Variants in ATRNL1 observed in about 807,000 individuals in gnomAD.
ATRNL1 encodes the protein attractin-like protein 1.
ATRNL1 carries 95 observed loss-of-function variants against 182.7 expected under a neutral mutation model. The ratio of observed to expected loss-of-function variants is 0.52; its 90% confidence interval spans 0.44 to 0.62. ATRNL1 has a LOEUF of 0.62. Ranked by LOEUF, ATRNL1 falls within the 20% of genes least tolerant of loss-of-function variation. The pLI, the probability that ATRNL1 is intolerant of heterozygous loss-of-function variation, is 0.00. For missense variants in ATRNL1, 1,471 were observed against 1,679.5 expected, an observed-to-expected ratio of 0.88 and a Z score of 2.17; for synonymous variants, 576 against 568.3, an observed-to-expected ratio of 1.01 and a Z score of -0.19.
intron 26 of ATRNL1, among the ~76,000 whole-genome samples, chr10:115,614,705 CGT>C (rs138143625): frequency 3.3e-5 from 5 of 151,134 alleles, no homozygotes; most frequent in South Asian, 4.2e-4. Flanking sequence ...TGCTCCAGTG[CGT>C]GTGTGTGTGT....
intron 26 of ATRNL1, among the ~76,000 whole-genome samples, chr10:115,716,166 A>T (rs1011489385): frequency 1.2e-4 from 19 of 152,204 alleles, no homozygotes; most frequent in Admixed American, 3.9e-4. Flanking sequence ...CCAGTTAGTC[A>T]ATGATTATTA....
At chr10:115,669,155 G>T (rs1945612899) in intron 26 of ATRNL1, among the ~76,000 whole-genome samples, 1 of 151,916 alleles carries the variant, frequency 6.6e-6, no homozygotes, top group African/African-American at 2.4e-5. Flanking sequence ...ATTTAAAGTG[G>T]TCCACTACCC....
At position 115,494,799 on chromosome 10, in the gene ATRNL1, T is replaced by C. The variant is rs1447732541; in HGVS notation, c.3655-24464T>C. Among the ~76,000 whole-genome samples the C allele has an allele frequency of 2.0e-5, 3 of 152,306 alleles. No homozygotes were observed. The East Asian group carries it at 5.8e-4, about 29-fold the overall frequency. On this transcript the variant is annotated intron_variant, in intron 24 of 28. Coordinates refer to ENST00000355044, the MANE Select transcript of ATRNL1 (RefSeq NM_207303.4). ...TCATCAAGGATATTAGCCTGAAGTT[T>C]CCTTTTTTCATTGTGTCTTTGCCAG...
At chr10:115,815,532 G>A (rs577476805) in intron 27 of ATRNL1, among the ~76,000 whole-genome samples, 97 of 150,298 alleles carry the variant, frequency 6.5e-4, no homozygotes, top group Middle Eastern at 3.4e-3. Flanking sequence ...CAAATTACAC[G>A]AAGCTTAACA....
chr10:115,436,687 A>G (rs782052763), intron 21 of ATRNL1, among the ~76,000 whole-genome samples: 1 of 152,130 alleles, frequency 6.6e-6, no homozygotes, highest in Non-Finnish European at 1.5e-5. Flanking sequence ...CAAGGGTGAC[A>G]TATTTTTTCT....
intron 20 of ATRNL1, among the ~76,000 whole-genome samples, chr10:115,414,492 A>AT (rs141133302): frequency 0.1 from 15,147 of 151,620 alleles, 2,531 homozygotes; most frequent in African/African-American, 0.34. Flanking sequence ...AATTTTATGA[A>AT]TTTTTTCCTT....
chr10:115,751,698 A>G (rs1948453404), intron 27 of ATRNL1, among the ~76,000 whole-genome samples: 2 of 152,068 alleles, frequency 1.3e-5, no homozygotes, highest in South Asian at 4.1e-4. Flanking sequence ...ATGCAGTTGT[A>G]AAAAAATTAA....
chr10:115,170,609 C>T (rs1316143818), intron 7 of ATRNL1, among the ~76,000 whole-genome samples: 1 of 150,930 alleles, frequency 6.6e-6, no homozygotes, highest in Non-Finnish European at 1.5e-5. Context: ...TAATATTAAT[C>T]AGCAACTTAG....
intron 3 of ATRNL1, among the ~76,000 whole-genome samples, 180 bp downstream of exon 3, chr10:115,121,992 T>G (rs1285802939): frequency 6.6e-6 from 1 of 152,060 alleles, no homozygotes; most frequent in Non-Finnish European, 1.5e-5. Context: ...ATGTAAATAT[T>G]GATATAACAT....
intron 19 of ATRNL1, among the ~76,000 whole-genome samples, chr10:115,351,988 C>T (rs1856279918): frequency 6.6e-6 from 1 of 152,022 alleles, no homozygotes; most frequent in Non-Finnish European, 1.5e-5. Flanking sequence ...GTTTCTGTTT[C>T]ATAACTTGCT....
intron 19 of ATRNL1, among the ~76,000 whole-genome samples, chr10:115,352,907 A>T (rs1413275114): frequency 1.3e-5 from 2 of 152,200 alleles, no homozygotes; most frequent in Non-Finnish European, 2.9e-5. Flanking sequence ...CTGTCTTTAA[A>T]AAAACAACAA....
intron 6 of ATRNL1, among the ~76,000 whole-genome samples, chr10:115,160,659 T>C (rs1158964431): frequency 1.3e-5 from 2 of 151,940 alleles, no homozygotes; most frequent in Non-Finnish European, 2.9e-5. Context: ...TCTAGTATTA[T>C]GAGAGAGATG....
At chr10:115,942,109 T>A (rs1339038331) in intron 28 of ATRNL1, among the ~76,000 whole-genome samples, 1 of 152,194 alleles carries the variant, frequency 6.6e-6, no homozygotes, top group Non-Finnish European at 1.5e-5. Context: ...ACCATAAATT[T>A]CTCCTTCTCC....
chr10:115,459,334 A>G (rs1005377927), intron 21 of ATRNL1, among the ~76,000 whole-genome samples: 2 of 152,162 alleles, frequency 1.3e-5, no homozygotes, highest in South Asian at 2.1e-4. Flanking sequence ...GAACAGAGCC[A>G]TATTTCTCTT....
At chr10:115,460,254 C>G (rs1847728675) in intron 21 of ATRNL1, among the ~76,000 whole-genome samples, 1 of 152,098 alleles carries the variant, frequency 6.6e-6, no homozygotes, top group Non-Finnish European at 1.5e-5. Flanking sequence ...ATCTACTACG[C>G]ATGCTCCTGA....
intron 26 of ATRNL1, among the ~76,000 whole-genome samples, chr10:115,588,810 T>A (rs758650947): frequency 2.0e-5 from 3 of 152,216 alleles, no homozygotes; most frequent in Non-Finnish European, 4.4e-5. Flanking sequence ...ATTTAGTGCA[T>A]CTATGGAAGG....
intron 28 of ATRNL1, among the ~76,000 whole-genome samples, chr10:115,864,855 G>A (rs1951400230): frequency 6.6e-6 from 1 of 152,076 alleles, no homozygotes; most frequent in Non-Finnish European, 1.5e-5. Context: ...GGTGGCAGGT[G>A]CCTGTAGTCC....
chr10:115,941,711 A>G (rs981725460), intron 28 of ATRNL1, among the ~76,000 whole-genome samples: 2 of 152,224 alleles, frequency 1.3e-5, no homozygotes, highest in African/African-American at 4.8e-5. Context: ...AGTTGTAAAT[A>G]ATGACAGAAG....
At chr10:115,618,069 C>A (rs11197356) in intron 26 of ATRNL1, among the ~76,000 whole-genome samples, 1,667 of 152,226 alleles carry the variant, frequency 0.011, 30 homozygotes, top group African/African-American at 0.038. Context: ...TTCAGCTTCC[C>A]CTTTGTCTTC....
Sources: allele counts gnomAD v4.1 joint callset (sites outside exome capture counted in the v4.1 genomes callset), GRCh38; gene constraint gnomAD v4.1.1; transcripts MANE v1.5; gene names NCBI Gene and HGNC (gene_info 2026-07-23, HGNC 2026-07-21).